The following GRIN2B variants were observed in gnomAD, a reference collection of about 807,000 sequenced individuals.
GRIN2B encodes glutamate ionotropic receptor NMDA type subunit 2B.
Under a neutral mutation model 114.5 loss-of-function variants are expected in GRIN2B, and 5 were observed. The ratio of observed to expected loss-of-function variants is 0.04; its 90% CI spans 0.02 to 0.09. The LOEUF (loss-of-function observed/expected upper bound fraction) is 0.09. Among genes scored for constraint, GRIN2B ranks in the 10% least tolerant of loss-of-function variants. The pLI, the probability that GRIN2B is intolerant of heterozygous loss-of-function variation, is 1.00. For synonymous variants in GRIN2B, 787 were observed against 745.1 expected, an observed-to-expected ratio of 1.06 and a Z score of -0.92; for missense variants, 1,108 against 1,943.5, an observed-to-expected ratio of 0.57 and a Z score of 8.08.
chr12:13,764,769 G>T (rs1214896685), intron 3 of GRIN2B, among the ~76,000 whole-genome samples: 3 of 152,220 alleles, frequency 2.0e-5, no homozygotes, highest in Non-Finnish European at 4.4e-5. Context: ...TCCTCTGATG[G>T]AAGTTGACAA....
chr12:13,872,932 T>C (rs537410264), intron 2 of GRIN2B, among the ~76,000 whole-genome samples: 27 of 152,314 alleles, frequency 1.8e-4, no homozygotes, highest in Admixed American at 1.6e-3. Flanking sequence ...TTCTATTTTC[T>C]ATCATTTCAA....
intron 3 of GRIN2B, among the ~76,000 whole-genome samples, chr12:13,790,064 C>G (rs1935483357): frequency 6.6e-6 from 1 of 152,230 alleles, no homozygotes; most frequent in Non-Finnish European, 1.5e-5. Flanking sequence ...CAACTGCTCA[C>G]TTTCTCAGTT....
At chr12:13,677,302 A>G (rs1000703122) in intron 4 of GRIN2B, among the ~76,000 whole-genome samples, 6 of 152,176 alleles carry the variant, frequency 3.9e-5, no homozygotes, top group Non-Finnish European at 5.9e-5. Flanking sequence ...CTCTCATTCA[A>G]TGAAACTGGG....
At chr12:13,921,545 T>C (rs1456018604) in intron 2 of GRIN2B, among the ~76,000 whole-genome samples, 1 of 152,182 alleles carries the variant, frequency 6.6e-6, no homozygotes, top group East Asian at 1.9e-4. Context: ...AGTATCTTGA[T>C]GGAAGAGTTT....
chr12:13,968,803 T>C (rs887084312), intron 2 of GRIN2B, among the ~76,000 whole-genome samples: 2 of 152,214 alleles, frequency 1.3e-5, no homozygotes, highest in Non-Finnish European at 2.9e-5. Context: ...CCCCTGTTAA[T>C]AGTAAAATCC....
At chr12:13,575,405 T>C (rs563221713) in intron 10 of GRIN2B, among the ~76,000 whole-genome samples, 2 of 152,204 alleles carry the variant, frequency 1.3e-5, no homozygotes, top group Non-Finnish European at 2.9e-5. Flanking sequence ...ACGCCTGTAA[T>C]CCCAGCACTT....
At chr12:13,816,169 A>G (rs558227459) in intron 3 of GRIN2B, among the ~76,000 whole-genome samples, 8 of 152,296 alleles carry the variant, frequency 5.3e-5, no homozygotes, top group African/African-American at 1.9e-4. Flanking sequence ...GTGGCTAGAT[A>G]TTAGAGATGA....
intron 3 of GRIN2B, among the ~76,000 whole-genome samples, chr12:13,828,471 C>A (rs1233739619): frequency 2.0e-5 from 3 of 152,048 alleles, no homozygotes; most frequent in South Asian, 2.1e-4. Context: ...AGGAACCCAG[C>A]GCATATTACC....
chr12:13,683,372 A>G (rs1950148954), intron 4 of GRIN2B, among the ~76,000 whole-genome samples: 1 of 152,170 alleles, frequency 6.6e-6, no homozygotes. Context: ...CACAGTTCTT[A>G]AACAGTGTAA....
At chr12:13,906,622 A>G (rs549876429) in intron 2 of GRIN2B, among the ~76,000 whole-genome samples, 2 of 152,348 alleles carry the variant, frequency 1.3e-5, no homozygotes, top group African/African-American at 4.8e-5. Flanking sequence ...AGTGTTTAAG[A>G]TTTAATCAGA....
rs1362211991 is a variant in GRIN2B at position 13,564,193 on chromosome 12, G to A, written c.3045C>T (p.Ser1015=). Residue 1015 remains serine, a synonymous_variant, in exon 14 of 14, where the codon TCC becomes TCT. Transcript: ENST00000609686. This position sits in a 1 kb window ranked among gnomAD's most constrained non-coding sequence, Gnocchi z 4.8. ...DCDNPPFTTQ[S]RSISKKPLDI... The stretch of plus-strand genomic sequence containing the variant: ...CCAGGGGCTTCTTGCTGATGGACCT[G>A]GACTGGGTGGTGAAGGGTGGGTTGT... 6.2e-7 allele frequency: 1 copy of A among 1,614,150 alleles called. No homozygotes were observed. Among genetic ancestry groups the A allele is most frequent in the Non-Finnish European group, 8.5e-7 (1 of 1,180,032 alleles).
chr12:13,549,156 A>G lies in GRIN2B; in HGVS notation c.*13627T>C, dbSNP rs1430487838. The G allele has an allele frequency of 6.6e-6, 1 of 152,212 alleles. No individual in the cohort carries two copies. The highest frequency in any genetic ancestry group is 2.4e-5 in the African/African-American group (1 of 41,468). The allele number at this position is 152,212 out of a possible 1,614,324, so 9.4% of individuals were successfully genotyped here. On this transcript the variant is annotated 3_prime_UTR_variant, in exon 14 of 14. Transcript: ENST00000609686. ...AGATGGATTATATCCTGAGCTTGAT[A>G]TCATTCATAAGTGAACAGGTGGGTT...
At chr12:13,595,922 C>T (rs914002817) in intron 10 of GRIN2B, among the ~76,000 whole-genome samples, 2 of 152,004 alleles carry the variant, frequency 1.3e-5, no homozygotes, top group Non-Finnish European at 2.9e-5. Flanking sequence ...CACATCTGTA[C>T]CCTATGTGGT....
chr12:13,758,160 A>G (rs1863612981), intron 3 of GRIN2B, among the ~76,000 whole-genome samples: 1 of 152,202 alleles, frequency 6.6e-6, no homozygotes, highest in Non-Finnish European at 1.5e-5. Flanking sequence ...GGGTCAGTTT[A>G]TCTTCAGAAT....
At chr12:13,568,596 A>ACAACT (rs1948669492) in intron 12 of GRIN2B, among the ~76,000 whole-genome samples, 1 of 152,176 alleles carries the variant, frequency 6.6e-6, no homozygotes, top group Non-Finnish European at 1.5e-5. Flanking sequence ...AGTGGAGCAG[A>ACAACT]CAACTTCACC....
At chr12:13,943,376 T>G (rs750963720) in intron 2 of GRIN2B, among the ~76,000 whole-genome samples, 1 of 152,176 alleles carries the variant, frequency 6.6e-6, no homozygotes, top group Non-Finnish European at 1.5e-5. Flanking sequence ...GCTTGCTATT[T>G]TCCTGACAAT....
At chr12:13,611,574 C>T (rs751289051) in intron 9 of GRIN2B, 151 bp downstream of exon 9, 29 of 819,450 alleles carry the variant, frequency 3.5e-5, no homozygotes, top group East Asian at 9.9e-5. Context: ...TCTAAAGAGA[C>T]GCCAAGCTGG....
intron 4 of GRIN2B, among the ~76,000 whole-genome samples, chr12:13,690,324 C>CACAT (rs879363605): frequency 6.1e-4 from 89 of 146,854 alleles, no homozygotes; most frequent in Non-Finnish European, 1.1e-3. Context: ...CACATGCACA[C>CACAT]GCACAATCTA....
At chr12:13,669,278 C>T (rs1417820015) in intron 5 of GRIN2B, among the ~76,000 whole-genome samples, 1 of 151,992 alleles carries the variant, frequency 6.6e-6, no homozygotes, top group Non-Finnish European at 1.5e-5. Context: ...AACAGCTGAT[C>T]TCCACACTTG....
Sources: allele counts gnomAD v4.1 joint callset (sites outside exome capture counted in the v4.1 genomes callset), GRCh38; gene constraint gnomAD v4.1.1; non-coding constraint Gnocchi (gnomAD v3.1); transcripts MANE v1.5; gene names NCBI Gene and HGNC (gene_info 2026-07-23, HGNC 2026-07-21).